Variants in UNC5D observed in about 807,000 individuals in gnomAD.
The protein encoded by UNC5D is unc-5 netrin receptor D.
A neutral mutation model predicts 105.4 loss-of-function variants in UNC5D; 39 were observed. The ratio of observed to expected loss-of-function variants is 0.37; its 90% confidence interval spans 0.29 to 0.48. UNC5D has a LOEUF of 0.48. UNC5D is among the 20% of genes least tolerant of loss of function. The probability of loss-of-function intolerance (pLI) is 0.98; values close to 1 mark genes in which losing one functional copy is unlikely to be tolerated. For synonymous variants in UNC5D, 452 were observed against 450.4 expected, an observed-to-expected ratio of 1.00 and a Z score of -0.04; for missense variants, 991 against 1,202.4, an observed-to-expected ratio of 0.82 and a Z score of 2.60.
chr8:35,586,412 A>G (rs546641581), intron 3 of UNC5D, among the ~76,000 whole-genome samples: 1 of 150,314 alleles, frequency 6.7e-6, no homozygotes, highest in South Asian at 2.1e-4. Flanking sequence ...AAAGCCTTTT[A>G]TGTGCCTTCC....
intron 7 of UNC5D, among the ~76,000 whole-genome samples, chr8:35,695,166 A>C (rs146715822): frequency 6.6e-6 from 1 of 152,272 alleles, no homozygotes; most frequent in African/African-American, 2.4e-5. Flanking sequence ...ACAGTTCCCA[A>C]GGTATCTTAA....
chr8:35,445,887 T>G (rs548737081), intron 1 of UNC5D, among the ~76,000 whole-genome samples: 2 of 152,236 alleles, frequency 1.3e-5, no homozygotes, highest in South Asian at 4.1e-4. Context: ...TTTGGAAAAA[T>G]ATATAAAAGT....
At chr8:35,644,721 T>C (rs1476273607) in intron 4 of UNC5D, among the ~76,000 whole-genome samples, 1 of 152,186 alleles carries the variant, frequency 6.6e-6, no homozygotes, top group African/African-American at 2.4e-5. Context: ...TAAAAATGTA[T>C]AACATTTTCT....
intron 11 of UNC5D, among the ~76,000 whole-genome samples, chr8:35,737,252 CTGTGTGTGTGTGTGTGTGTGTGTG>C (rs369792188): frequency 8.3e-5 from 10 of 119,882 alleles, no homozygotes; most frequent in African/African-American, 1.9e-4. Context: ...AAGATCTGCT[CTGTGTGTGTGTGTGTGTGTGTGTG>C]TGTGTGTGTG....
At chr8:35,340,492 T>C (rs1210663144) in intron 1 of UNC5D, among the ~76,000 whole-genome samples, 1 of 152,196 alleles carries the variant, frequency 6.6e-6, no homozygotes, top group Non-Finnish European at 1.5e-5. Flanking sequence ...AGGGAAGTTA[T>C]AGAGTATGGA....
intron 4 of UNC5D, among the ~76,000 whole-genome samples, chr8:35,609,488 A>G (rs1382370781): frequency 6.6e-6 from 1 of 152,210 alleles, no homozygotes; most frequent in Non-Finnish European, 1.5e-5. Flanking sequence ...CTAAAGTTGG[A>G]GAAGGAACGT....
chr8:35,468,636 A>G (rs1381995661), intron 1 of UNC5D, among the ~76,000 whole-genome samples: 2 of 152,184 alleles, frequency 1.3e-5, no homozygotes, highest in Non-Finnish European at 2.9e-5. Flanking sequence ...TCTATTTTTT[A>G]AAGTTATGTC....
chr8:35,611,679 T>C lies in UNC5D; in HGVS notation c.570+16022T>C, dbSNP rs540797528. On this transcript the variant is annotated intron_variant, in intron 4 of 16. Coordinates refer to ENST00000404895, the MANE Select transcript of UNC5D (RefSeq NM_080872.4). The stretch of plus-strand genomic sequence containing the variant: ...TAATAGCTGGATGTATTAGAACATA[T>C]TTGTCACTGCAGTTATTTTTAGCCT... 5.3e-5 allele frequency among the ~76,000 whole-genome samples: 8 copies of C among 152,302 alleles called. No homozygotes were observed. In the South Asian group the frequency reaches 1.7e-3, roughly 32 times the overall value.
At chr8:35,396,048 TA>T (rs1235130952) in intron 1 of UNC5D, among the ~76,000 whole-genome samples, 2 of 152,190 alleles carry the variant, frequency 1.3e-5, no homozygotes, top group Non-Finnish European at 2.9e-5. Flanking sequence ...GAGCATTTAA[TA>T]TTAATAATTT....
rs1301084215 is a variant in UNC5D at position 35,772,843 on chromosome 8, CT to C, written c.2479-1454del. 2.7e-5 allele frequency among the ~76,000 whole-genome samples: 4 copies of C among 148,282 alleles called. No homozygotes were observed. The Admixed American group carries it at 2.7e-4, about 10-fold the overall frequency. On this transcript the variant is annotated intron_variant, in intron 15 of 16. Coordinates refer to ENST00000404895, the MANE Select transcript of UNC5D (RefSeq NM_080872.4). ...ACAGGTTGTTGGCACCATTTGGTTC[CT>C]TATTGCTTTAGGACTAAGGTCCCCA...
At chr8:35,734,335 C>CCAA (rs1491578135) in intron 11 of UNC5D, among the ~76,000 whole-genome samples, 1 of 28,288 alleles carries the variant, frequency 3.5e-5, no homozygotes, top group Non-Finnish European at 8.1e-5. Context: ...TAATCACTGT[C>CCAA]AAAAAAAAAA....
intron 4 of UNC5D, among the ~76,000 whole-genome samples, chr8:35,608,448 G>A (rs571789214): frequency 2.6e-5 from 4 of 152,110 alleles, no homozygotes; most frequent in Non-Finnish European, 4.4e-5. Flanking sequence ...AAATGTATGG[G>A]GTGCAAGTAT....
intron 8 of UNC5D, among the ~76,000 whole-genome samples, chr8:35,720,092 G>A (rs998874942): frequency 3.3e-5 from 5 of 152,166 alleles, no homozygotes; most frequent in Non-Finnish European, 5.9e-5. Context: ...ACCTGGTAGG[G>A]AGGGAGTGAA....
At chr8:35,245,289 A>G (rs1803022551) in intron 1 of UNC5D, among the ~76,000 whole-genome samples, 2 of 152,172 alleles carry the variant, frequency 1.3e-5, no homozygotes, top group East Asian at 1.9e-4. Context: ...TTTAAGAGAG[A>G]TGGAAAAAAA....
chr8:35,749,367 A>G (rs184181080), intron 12 of UNC5D, among the ~76,000 whole-genome samples: 1 of 152,332 alleles, frequency 6.6e-6, no homozygotes, highest in Admixed American at 6.5e-5. Flanking sequence ...TTTCTGCCTG[A>G]TAGAGCTTCC....
intron 1 of UNC5D, among the ~76,000 whole-genome samples, chr8:35,406,969 C>T (rs902259790): frequency 2.0e-5 from 3 of 152,020 alleles, no homozygotes; most frequent in Non-Finnish European, 4.4e-5. Flanking sequence ...CATATATGAA[C>T]TATCATGTAC....
intron 13 of UNC5D, among the ~76,000 whole-genome samples, chr8:35,756,034 A>T (rs1247038425): frequency 3.3e-5 from 5 of 152,146 alleles, no homozygotes; most frequent in African/African-American, 9.7e-5. Context: ...TGTTAAGTGC[A>T]ATCCACTGTA....
chr8:35,480,344 T>C (rs904920779), intron 1 of UNC5D, among the ~76,000 whole-genome samples: 1 of 152,186 alleles, frequency 6.6e-6, no homozygotes, highest in African/African-American at 2.4e-5. Context: ...ACAACCATGA[T>C]ACAATCTGGT....
intron 1 of UNC5D, among the ~76,000 whole-genome samples, chr8:35,431,319 CT>C (rs1473108507): frequency 6.6e-6 from 1 of 152,132 alleles, no homozygotes; most frequent in Non-Finnish European, 1.5e-5. Context: ...ACCACCTGCA[CT>C]GGTCATTTTG....
Sources: gnomAD v4.1 joint callset for allele counts (sites outside exome capture counted in the v4.1 genomes callset) on GRCh38, gnomAD v4.1.1 for gene constraint, MANE v1.5 for transcripts, NCBI Gene and HGNC (gene_info 2026-07-23, HGNC 2026-07-21) for gene names.